Variants in PRKG1 observed in about 807,000 individuals in gnomAD.
The protein encoded by PRKG1 is cGMP-dependent protein kinase 1.
PRKG1 carries 35 observed loss-of-function variants against 88.1 expected under a neutral mutation model. That is an observed-to-expected ratio of 0.40 (90% CI 0.30 to 0.53). The LOEUF (loss-of-function observed/expected upper bound fraction) is 0.53, where lower values mean the gene tolerates loss of function less well. Among genes scored for constraint, PRKG1 ranks in the 20% least tolerant of loss-of-function variants. The probability of loss-of-function intolerance (pLI) is 0.59; values close to 1 mark genes in which losing one functional copy is unlikely to be tolerated. For missense variants in PRKG1, 540 were observed against 839.8 expected (o/e 0.64, Z 4.41); for synonymous variants, 303 against 292.5 (o/e 1.04, Z -0.37).
At chr10:51,528,025 G>A (rs897953024) in intron 3 of PRKG1, among the ~76,000 whole-genome samples, 10 of 152,126 alleles carry the variant, frequency 6.6e-5, no homozygotes, top group African/African-American at 1.2e-4. Context: ...AACCCACAGC[G>A]TGGTGGTTTA....
At chr10:52,071,896 G>A (rs141954571) in intron 7 of PRKG1, among the ~76,000 whole-genome samples, 1 of 152,290 alleles carries the variant, frequency 6.6e-6, no homozygotes, top group East Asian at 1.9e-4. Context: ...CAAGGCTTGG[G>A]TTTCTGTTTC....
intron 3 of PRKG1, among the ~76,000 whole-genome samples, chr10:51,778,278 C>CTT (rs1838492795): frequency 6.6e-6 from 1 of 152,072 alleles, no homozygotes; most frequent in Non-Finnish European, 1.5e-5. Context: ...CCCATTAGGT[C>CTT]TTTATAGGGG....
intron 1 of PRKG1, chr10:51,062,995 G>A (rs542360733): frequency 6.6e-6 from 1 of 152,086 alleles, no homozygotes; most frequent in Non-Finnish European, 1.5e-5. Flanking sequence ...GCTCATAGTG[G>A]TATTTCAGAT....
chr10:51,038,992 G>T (rs1477270798), intron 1 of PRKG1, among the ~76,000 whole-genome samples: 1 of 152,154 alleles, frequency 6.6e-6, no homozygotes, highest in Non-Finnish European at 1.5e-5. Flanking sequence ...GCAAAAACAG[G>T]CTTGAACATT....
At position 52,293,863 on chromosome 10, in the gene PRKG1, C is replaced by A; in HGVS notation, c.2024C>A (p.Pro675Gln). Residue 675 changes from proline (P) to glutamine (Q), a missense_variant, in exon 18 of 18, where the codon CCA (proline) becomes CAA (glutamine). Pro to Gln is a moderately conservative substitution (Grantham distance 76). Coordinates refer to ENST00000373980, the MANE Select transcript of PRKG1 (RefSeq NM_006258.4). ...TTCCCTGAGGACAACGATGAACCAC[C>A]ACCTGATGACAACTCAGGATGGGAT... is the stretch of plus-strand genomic sequence containing the variant. Reference protein sequence around the residue: ...DSFPEDNDEPPPDDNSGWDID... With the variant: ...DSFPEDNDEPQPDDNSGWDID... The A allele has an allele frequency of 6.2e-7, 1 of 1,612,910 alleles. No homozygotes were observed.
At chr10:51,921,635 T>G (rs968762881) in intron 5 of PRKG1, among the ~76,000 whole-genome samples, 2 of 152,122 alleles carry the variant, frequency 1.3e-5, no homozygotes, top group African/African-American at 2.4e-5. Flanking sequence ...GGTGTTAAAT[T>G]TTGTGAAATG....
intron 3 of PRKG1, among the ~76,000 whole-genome samples, chr10:51,720,336 T>C (rs973200311): frequency 6.6e-6 from 1 of 152,142 alleles, no homozygotes; most frequent in Non-Finnish European, 1.5e-5. Flanking sequence ...CTGAGTCATT[T>C]CAGATCCTGG....
At chr10:51,383,806 G>C (rs1342734397) in intron 2 of PRKG1, among the ~76,000 whole-genome samples, 1 of 152,144 alleles carries the variant, frequency 6.6e-6, no homozygotes, top group African/African-American at 2.4e-5. Flanking sequence ...TCTCTGTGCT[G>C]ATGAATCTGT....
intron 7 of PRKG1, among the ~76,000 whole-genome samples, chr10:52,064,005 G>A (rs1056951353): frequency 3.3e-5 from 5 of 152,228 alleles, no homozygotes; most frequent in Admixed American, 3.3e-4. Context: ...AAAAGGCACT[G>A]CAAGTTCCCA....
chr10:51,547,419 A>T (rs965080070), intron 3 of PRKG1, among the ~76,000 whole-genome samples: 1 of 152,122 alleles, frequency 6.6e-6, no homozygotes, highest in African/African-American at 2.4e-5. Context: ...AACGTCAGCA[A>T]ATTTATATGT....
intron 7 of PRKG1, among the ~76,000 whole-genome samples, chr10:52,091,212 C>T (rs574328510): frequency 2.6e-5 from 4 of 152,268 alleles, no homozygotes; most frequent in Admixed American, 1.3e-4. Context: ...GAAATTGAGG[C>T]CCCCCTTTTC....
At chr10:51,953,358 A>G (rs1053655043) in intron 5 of PRKG1, among the ~76,000 whole-genome samples, 3 of 149,520 alleles carry the variant, frequency 2.0e-5, no homozygotes, top group Admixed American at 1.3e-4. Flanking sequence ...TTAAAGTGTG[A>G]GAAACAAAAT....
intron 2 of PRKG1, among the ~76,000 whole-genome samples, chr10:51,393,147 C>T (rs1259553433): frequency 7.0e-5 from 10 of 142,840 alleles, no homozygotes; most frequent in Admixed American, 4.2e-4. Context: ...TCAGACGGGG[C>T]GGCCGGGCAG....
chr10:51,956,174 G>A (rs1843297225), intron 5 of PRKG1, among the ~76,000 whole-genome samples: 1 of 151,994 alleles, frequency 6.6e-6, no homozygotes, highest in South Asian at 2.1e-4. Flanking sequence ...AAATTTAATT[G>A]TGCTAGTATT....
In PRKG1 at chr10:51,727,300, A is replaced by ATTT. The variant is rs1256413515; in HGVS notation, c.593-77279_593-77277dup. Among the ~76,000 whole-genome samples, 576 of 144,894 alleles carry ATTT rather than the reference A, an allele frequency of 4.0e-3. 4 individuals carry two copies. Among genetic ancestry groups the ATTT allele is most frequent in the African/African-American group, 0.013 (517 of 39,432 alleles). On this transcript the variant is annotated intron_variant, in intron 3 of 17. Transcript: ENST00000373980. ...AAAAAAAAAAAATATATATATATAT[A>ATTT]TTTTTTTTACTTTTCTCAGAGTTAT... is the stretch of plus-strand genomic sequence containing the variant.
chr10:51,097,141 G>A (rs1399616077), intron 1 of PRKG1, among the ~76,000 whole-genome samples: 2 of 152,154 alleles, frequency 1.3e-5, no homozygotes, highest in East Asian at 1.9e-4. Flanking sequence ...TATAATGCTG[G>A]TTGGCCATCT....
At chr10:51,091,017 T>C (rs1182926015) in intron 1 of PRKG1, among the ~76,000 whole-genome samples, 3 of 152,196 alleles carry the variant, frequency 2.0e-5, no homozygotes, top group South Asian at 2.1e-4. Context: ...TATCTCAAGA[T>C]GTCTTTTCAA....
chr10:50,994,095 A>G (rs144399667), intron 1 of PRKG1, among the ~76,000 whole-genome samples: 243 of 152,310 alleles, frequency 1.6e-3, no homozygotes, highest in African/African-American at 5.3e-3. Context: ...GTTTAGTTTC[A>G]TACTTTCAAA....
At chr10:51,581,206 T>G (rs1245615065) in intron 3 of PRKG1, among the ~76,000 whole-genome samples, 1 of 152,110 alleles carries the variant, frequency 6.6e-6, no homozygotes, top group African/African-American at 2.4e-5. Context: ...GAGATAAGAA[T>G]TTACAATATA....
Sources: allele counts gnomAD v4.1 joint callset (sites outside exome capture counted in the v4.1 genomes callset), GRCh38; gene constraint gnomAD v4.1.1; transcripts MANE v1.5; gene names NCBI Gene and HGNC (gene_info 2026-07-23, HGNC 2026-07-21).